CDKL3: variants seen among roughly 807,000 people sequenced by gnomAD.
CDKL3 encodes cyclin-dependent kinase-like 3.
A neutral mutation model predicts 69.3 loss-of-function variants in CDKL3; 65 were observed. That is an observed-to-expected ratio of 0.94 (90% CI 0.77 to 1.15). The LOEUF (loss-of-function observed/expected upper bound fraction) is 1.15. CDKL3 is among the 50% of genes most tolerant of loss of function. The pLI is 0.00. For synonymous variants in CDKL3, 202 were observed against 221.6 expected, an observed-to-expected ratio of 0.91 and a Z score of 0.79; for missense variants, 652 against 689.2, an observed-to-expected ratio of 0.95 and a Z score of 0.61.
intron 4 of CDKL3, among the ~76,000 whole-genome samples, chr5:134,331,857 C>T (rs1259573471): frequency 4.6e-5 from 7 of 152,080 alleles, no homozygotes; most frequent in Non-Finnish European, 7.4e-5. Flanking sequence ...TTCTAGTTCT[C>T]GATCCTTGAG....
chr5:134,319,183 T>C, intron 6 of CDKL3, 175 bp downstream of exon 6: 2 of 448,302 alleles, frequency 4.5e-6, no homozygotes, highest in Non-Finnish European at 7.6e-6. Context: ...ATACAAAAAT[T>C]AGCCGGGCAT....
chr5:134,345,508 A>G (rs759415474), intron 4 of CDKL3, among the ~76,000 whole-genome samples: 1 of 152,180 alleles, frequency 6.6e-6, no homozygotes, highest in Admixed American at 6.5e-5. Flanking sequence ...GCTTTGTGTG[A>G]GCAACAAGGC....
intron 3 of CDKL3, among the ~76,000 whole-genome samples, chr5:134,357,040 ATCTG>A (rs1754779690): frequency 6.6e-6 from 1 of 152,150 alleles, no homozygotes; most frequent in African/African-American, 2.4e-5. Flanking sequence ...TTATTGTACC[ATCTG>A]TCTAAGCCTA....
At chr5:134,341,471 G>A (rs1283398041) in intron 4 of CDKL3, among the ~76,000 whole-genome samples, 2 of 152,200 alleles carry the variant, frequency 1.3e-5, no homozygotes, top group African/African-American at 4.8e-5. Context: ...CAATAAACAA[G>A]TTCAGCAAAG....
At chr5:134,354,323 G>A (rs1754035949) in intron 3 of CDKL3, among the ~76,000 whole-genome samples, 1 of 152,150 alleles carries the variant, frequency 6.6e-6, no homozygotes, top group African/African-American at 2.4e-5. Flanking sequence ...GTGAATTATA[G>A]AAGCACATAC....
chr5:134,321,542 A>G (rs370763026), intron 5 of CDKL3, among the ~76,000 whole-genome samples: 3 of 152,218 alleles, frequency 2.0e-5, no homozygotes, highest in African/African-American at 7.2e-5. Context: ...TTCCTATTGT[A>G]CTATTTTTCT....
upstream of CDKL3, among the ~76,000 whole-genome samples, chr5:134,370,582 C>T (rs1330513148): frequency 6.6e-6 from 1 of 152,172 alleles, no homozygotes; most frequent in Non-Finnish European, 1.5e-5. Flanking sequence ...GGCAAGTCCC[C>T]GGACTCTGAC....
rs1299471033 is a variant in CDKL3, at chr5:134,350,330, G to A, written c.458C>T (p.Pro153Leu). The A allele has an allele frequency of 6.3e-7, 1 of 1,593,614 alleles. No individual in the cohort carries two copies. Among genetic ancestry groups the A allele is most frequent in the East Asian group, 2.3e-5 (1 of 44,366 alleles). The change falls in exon 4 of 13, where the codon CCT (proline) becomes CTT (leucine). Residue 153 changes from proline to leucine, a missense_variant. By Grantham distance (98) the Pro-to-Leu change is moderately conservative. Coordinates refer to ENST00000265334, the MANE Select transcript of CDKL3 (RefSeq NM_001113575.2). ...CACATAGTCCGTATAAATGTCCCCAGGAGCTGCTAGTGTTCGTGCAAAACC... is the reference window on the plus strand; with the variant it reads ...CACATAGTCCGTATAAATGTCCCCAAGAGCTGCTAGTGTTCGTGCAAAACC... ...DFGFARTLAAPGDIYTDYVAT... is the reference protein window; with the variant it reads ...DFGFARTLAALGDIYTDYVAT...
downstream of CDKL3, among the ~76,000 whole-genome samples, chr5:134,295,084 G>A (rs1031351843): frequency 2.1e-5 from 3 of 141,182 alleles, no homozygotes; most frequent in South Asian, 2.2e-4. Flanking sequence ...GTGCAATCTC[G>A]GTTCACTGCA....
rs188838848 is a variant in CDKL3 at position 134,342,660 on chromosome 5, A to T, written c.539+7589T>A. ...GGAAGATCTAAATAAATGGCAAAAC[A>T]TTCTAAATTCACAGATTAGAATAAG... On this transcript the variant is annotated intron_variant, in intron 4 of 12. Transcript: ENST00000265334. 4.1e-3 allele frequency among the ~76,000 whole-genome samples: 619 copies of T among 152,268 alleles called. 3 individuals carry two copies. The highest frequency in any genetic ancestry group is 6.9e-3 in the Non-Finnish European group (466 of 67,992).
downstream of CDKL3, among the ~76,000 whole-genome samples, chr5:134,295,011 CTTT>C (rs869256167): frequency 3.0e-4 from 30 of 100,416 alleles, no homozygotes; most frequent in African/African-American, 9.0e-4. Flanking sequence ...ATTTTTTTTT[CTTT>C]TTTTTTTTTT....
chr5:134,295,011 CTTTTTTTT>C (rs869256167), downstream of CDKL3, among the ~76,000 whole-genome samples: 1 of 100,422 alleles, frequency 1.0e-5, no homozygotes, highest in Non-Finnish European at 2.0e-5. Flanking sequence ...ATTTTTTTTT[CTTTTTTTT>C]TTTTTTTTTT....
intron 12 of CDKL3, among the ~76,000 whole-genome samples, 196 bp from the exon 13 acceptor site, chr5:134,298,906 G>C (rs1027166153): frequency 1.3e-5 from 2 of 151,842 alleles, no homozygotes; most frequent in Non-Finnish European, 2.9e-5. Context: ...ATGGAGTCTC[G>C]CTCTGTGCTC....
chr5:134,338,517 C>T (rs1331569066), intron 4 of CDKL3, among the ~76,000 whole-genome samples: 1 of 151,288 alleles, frequency 6.6e-6, no homozygotes, highest in Non-Finnish European at 1.5e-5. Context: ...TGGTGAAACT[C>T]CATCTCTGCT....
chr5:134,293,278 C>T (rs571149901), intron 8 of CDKL3, among the ~76,000 whole-genome samples: 1 of 151,944 alleles, frequency 6.6e-6, no homozygotes, highest in Non-Finnish European at 1.5e-5. Flanking sequence ...CCTCGGCCTC[C>T]CAAAATGCTG....
chr5:134,287,987 C>G (rs941966239), intron 8 of CDKL3, among the ~76,000 whole-genome samples: 1 of 151,896 alleles, frequency 6.6e-6, no homozygotes, highest in African/African-American at 2.4e-5. Context: ...CTCTGCCTCC[C>G]AGGTTCAAGT....
chr5:134,301,766 A>C (rs1342687665), intron 12 of CDKL3, among the ~76,000 whole-genome samples: 1 of 152,076 alleles, frequency 6.6e-6, no homozygotes, highest in Non-Finnish European at 1.5e-5. Context: ...GTGTGCCTGT[A>C]GTCCCAGCTA....
chr5:134,340,423 C>T (rs1750187318), intron 4 of CDKL3, among the ~76,000 whole-genome samples: 1 of 151,876 alleles, frequency 6.6e-6, no homozygotes, highest in Non-Finnish European at 1.5e-5. Context: ...TCAATGAAAC[C>T]AAAAGCTATT....
At chr5:134,329,078 T>C (rs1775096107) in intron 4 of CDKL3, among the ~76,000 whole-genome samples, 1 of 152,198 alleles carries the variant, frequency 6.6e-6, no homozygotes, top group South Asian at 2.1e-4. Flanking sequence ...CAGTTCCTCA[T>C]ACCTGTAATC....
Sources: allele counts gnomAD v4.1 joint callset (sites outside exome capture counted in the v4.1 genomes callset), GRCh38; gene constraint gnomAD v4.1.1; transcripts MANE v1.5; gene names NCBI Gene and HGNC (gene_info 2026-07-23, HGNC 2026-07-21).